Variants in MYBPC2 observed in about 807,000 individuals in gnomAD.
The protein encoded by MYBPC2 is myosin binding protein C2, also known as myosin-binding protein C, fast-type.
In MYBPC2, 122 loss-of-function variants were observed where a neutral mutation model predicts 137.0. The ratio of observed to expected loss-of-function variants is 0.89; its 90% CI spans 0.77 to 1.03. MYBPC2 has a LOEUF of 1.03. Among genes scored for constraint, MYBPC2 ranks in the 50% least tolerant of loss-of-function variants. MYBPC2 has a pLI of 0.00. For missense variants in MYBPC2, 1,500 were observed against 1,534.4 expected (o/e 0.98, Z 0.37); for synonymous variants, 626 against 612.3 (o/e 1.02, Z -0.33).
chr19:50,452,508 G>GTATCTATCTATC (rs59342187), intron 16 of MYBPC2, among the ~76,000 whole-genome samples: 3,279 of 114,654 alleles, frequency 0.029, 39 homozygotes, highest in Admixed American at 0.03. Context: ...ATGTATGTAT[G>GTATCTATCTATC]TATCTATCTA....
rs368338268 is a variant in MYBPC2 at position 50,456,491 on chromosome 19, G to A, written c.2338+847G>A. The stretch of plus-strand genomic sequence containing the variant: ...TCTGTTGCCCAGGCTAGAGTGCAGT[G>A]GCACGATTGGCTCACTGCAAGCTCC... On this transcript the variant is annotated intron_variant, in intron 20 of 27. Transcript: ENST00000357701. 3.2e-3 allele frequency among the ~76,000 whole-genome samples: 467 copies of A among 145,922 alleles called. 3 individuals carry two copies. In the Middle Eastern group the frequency reaches 0.046, roughly 15 times the overall value.
Position 50,458,648 on chromosome 19 carries a change from T to A in MYBPC2, c.2400T>A (p.Asn800Lys). 1 of 1,612,660 alleles carries A rather than the reference T, an allele frequency of 6.2e-7. No homozygotes were observed. The highest frequency in any genetic ancestry group is 8.5e-7 in the Non-Finnish European group (1 of 1,179,868). The change falls in exon 21 of 28, where the codon AAT becomes AAA. Residue 800 changes from asparagine to lysine, a missense_variant. Coordinates refer to ENST00000357701, the MANE Select transcript of MYBPC2 (RefSeq NM_004533.4). ...PVERCGFTVK[N>K]LPTGARILFR... ...AGCGCTGTGGCTTCACCGTCAAGAA[T>A]CTCCCGACCGGAGCCAGAATCCTCT...
In MYBPC2 at chr19:50,435,641, C is replaced by G. The variant is rs949515925; in HGVS notation, c.110-135C>G. The G allele has an allele frequency of 2.6e-6, 2 of 758,420 alleles. No individual in the cohort carries two copies. Among genetic ancestry groups the G allele is most frequent in the Non-Finnish European group, 4.2e-6 (2 of 474,406 alleles). 47.0% of individuals were successfully genotyped at this position (758,420 alleles called of 1,614,324 possible). A position where few individuals can be genotyped will look rare whatever the true frequency, so the allele number is the denominator to read the frequency against. On this transcript the variant is annotated intron_variant, in intron 2 of 27. Coordinates refer to ENST00000357701, the MANE Select transcript of MYBPC2 (RefSeq NM_004533.4). This position sits in a 1 kb window ranked among gnomAD's most constrained non-coding sequence, Gnocchi z 4.8. ...GTGGCCTTTCCCAGGTCAGGAAAAGCCATTTAACCCCCATGATGTTTGGTT... is the reference window on the plus strand; with the variant it reads ...GTGGCCTTTCCCAGGTCAGGAAAAGGCATTTAACCCCCATGATGTTTGGTT...
chr19:50,436,222 C>T (rs1601280198), intron 4 of MYBPC2, 62 bp downstream of exon 4: 1 of 1,523,642 alleles, frequency 6.6e-7, no homozygotes, highest in East Asian at 2.4e-5. Flanking sequence ...GGACATGCTC[C>T]TCAGAAGCCC....
intron 20 of MYBPC2, among the ~76,000 whole-genome samples, chr19:50,457,301 AGTTCACTCT>A (rs1440129992): frequency 3.3e-5 from 5 of 152,044 alleles, no homozygotes; most frequent in African/African-American, 1.2e-4. Context: ...AGCTTGTTAG[AGTTCACTCT>A]GTTGATTGCT....
At chr19:50,438,066 A>G (rs2445829) in intron 7 of MYBPC2, among the ~76,000 whole-genome samples, 50,510 of 151,644 alleles carry the variant, frequency 0.33, 8,570 homozygotes, top group Middle Eastern at 0.39. Flanking sequence ...CCTCCCATCC[A>G]TCCATCCCTC....
Position 50,462,012 on chromosome 19 carries a change from C to A in MYBPC2, c.3204C>A (p.Asn1068Lys). The change falls in exon 26 of 28, where the codon AAC becomes AAA. Residue 1068 changes from asparagine to lysine, a missense_variant. Physicochemically the swap from Asn to Lys is moderately conservative, Grantham distance 94 (BLOSUM62 0). Transcript: ENST00000357701. ...TGGCTGGGTACTCGGCAGCCCTCAA[C>A]TGTGCTGTCAGAGGCCACCCGAAGG... ...VVVAGYSAAL[N>K]CAVRGHPKPK... 1.3e-6 allele frequency: 2 copies of A among 1,573,882 alleles called. No homozygotes were observed. Among genetic ancestry groups the A allele is most frequent in the East Asian group, 2.3e-5 (1 of 42,640 alleles).
intron 7 of MYBPC2, among the ~76,000 whole-genome samples, chr19:50,440,560 G>A (rs1369622576): frequency 1.3e-5 from 2 of 151,662 alleles, no homozygotes; most frequent in African/African-American, 2.4e-5. Context: ...CTACTCGGGA[G>A]GCTGAGGCAG....
At chr19:50,436,756 G>A (rs2039708147) in intron 5 of MYBPC2, 22 bp downstream of exon 5, 9 of 1,606,664 alleles carry the variant, frequency 5.6e-6, no homozygotes, top group Non-Finnish European at 7.7e-6. Flanking sequence ...GGGGATGCGG[G>A]AGCAAAGGGT....
Position 50,443,903 on chromosome 19 carries a change from T to G in MYBPC2, c.1133+87T>G, listed in dbSNP as rs1300835862. 9.6e-6 allele frequency: 12 copies of G among 1,246,368 alleles called. No individual in the cohort carries two copies. In the African/African-American group the frequency reaches 1.6e-4, roughly 17 times the overall value. 77.2% of individuals were successfully genotyped at this position (1,246,368 alleles called of 1,614,324 possible). ...GATCTTTATGGGACCTCCTGTGACT[T>G]CTCTTGGAGATTTCTGACCTTTACT... is the stretch of plus-strand genomic sequence containing the variant. On this transcript the variant is annotated intron_variant, in intron 11 of 27. Transcript: ENST00000357701.
chr19:50,452,496 G>GTATCTATCTATCTATCTATC (rs1448448589), intron 16 of MYBPC2, among the ~76,000 whole-genome samples: 1 of 51,912 alleles, frequency 1.9e-5, no homozygotes, highest in Non-Finnish European at 4.9e-5. Flanking sequence ...ATGTATGTAT[G>GTATCTATCTATCTATCTATC]TATGTATGTA....
rs778989122 is a variant in MYBPC2 at position 50,435,129 on chromosome 19, A to G, written c.20-32A>G. On this transcript the variant is annotated intron_variant, in intron 1 of 27. Transcript: ENST00000357701. The surrounding 1 kb of genome is among the most constrained non-coding windows in gnomAD (Gnocchi z 4.8). Reference sequence around the variant, plus strand: ...GGAGGGGCATGGGTGTGCAGACCGCATGCTCAACTATGACTGTCCCCTACC... The same window carrying G: ...GGAGGGGCATGGGTGTGCAGACCGCGTGCTCAACTATGACTGTCCCCTACC... 1.3e-5 allele frequency: 11 copies of G among 870,182 alleles called. No homozygotes were observed. Among genetic ancestry groups the G allele is most frequent in the Middle Eastern group, 2.1e-4 (1 of 4,662 alleles). The allele number at this position is 870,182 out of a possible 1,614,324, so 53.9% of individuals were successfully genotyped here.
rs927761482 is a variant in MYBPC2, at chr19:50,465,042, A to G, written c.3415+510A>G. Among the ~76,000 whole-genome samples, 6 of 149,066 alleles carry G rather than the reference A, an allele frequency of 4.0e-5. No individual in the cohort carries two copies. Among genetic ancestry groups the G allele is most frequent in the Non-Finnish European group, 4.5e-5 (3 of 67,318 alleles). On this transcript the variant is annotated intron_variant, in intron 27 of 27. Transcript: ENST00000357701. This position sits in a 1 kb window ranked among gnomAD's most constrained non-coding sequence, Gnocchi z 4.5. ...CTACATCCTCTTCCTCCCATATTCC[A>G]TTTCCAGCCGCCTCCGTCTCCAGTC... is the stretch of plus-strand genomic sequence containing the variant.
intron 13 of MYBPC2, 96 bp from the exon 14 acceptor site, chr19:50,450,733 T>C: frequency 2.5e-6 from 2 of 807,692 alleles, no homozygotes; most frequent in Non-Finnish European, 4.1e-6. Context: ...TGCAGGCATG[T>C]GGACTGCACT....
chr19:50,447,382 G>C (rs2039815590), intron 12 of MYBPC2, among the ~76,000 whole-genome samples: 2 of 152,046 alleles, frequency 1.3e-5, no homozygotes, highest in Non-Finnish European at 1.5e-5. Flanking sequence ...ACGAACTCAA[G>C]TCAGTTATGG....
intron 20 of MYBPC2, among the ~76,000 whole-genome samples, chr19:50,457,870 G>A (rs1008177758): frequency 3.3e-5 from 5 of 150,996 alleles, no homozygotes; most frequent in Admixed American, 2.0e-4. Context: ...AATAGAGACA[G>A]GGTTTCGCCA....
chr19:50,444,579 G>C (rs949320430), intron 11 of MYBPC2, among the ~76,000 whole-genome samples: 1 of 152,084 alleles, frequency 6.6e-6, no homozygotes, highest in African/African-American at 2.4e-5. Flanking sequence ...ATATAATGGG[G>C]AGAAAAAAAA....
At position 50,432,918 on chromosome 19, in the gene MYBPC2, G is replaced by C; in HGVS notation, c.-36G>C. On this transcript the variant is annotated 5_prime_UTR_variant, in exon 1 of 28. Coordinates refer to ENST00000357701, the MANE Select transcript of MYBPC2 (RefSeq NM_004533.4). This position sits in a 1 kb window ranked among gnomAD's most constrained non-coding sequence, Gnocchi z 5.5. ...TCCTCCCTAGGGCCTAGCGGGACGC[G>C]GCTGCGGTCAGAGGAGCAGGAGGAG... 6.2e-7 allele frequency: 1 copy of C among 1,602,914 alleles called. No individual in the cohort carries two copies.
At position 50,464,510 on chromosome 19, in the gene MYBPC2, T is replaced by C. The variant is rs776019340; in HGVS notation, c.3393T>C (p.Ala1131=). The part of the protein sequence containing the change: ...RAVNELGEAL[A]ECKLEVRVPQ ...TCAACGAGCTGGGCGAGGCGCTGGC[T>C]GAGTGCAAGCTGGAGGTCCGAGGTG... Residue 1131 remains alanine, a synonymous_variant, in exon 27 of 28, where the codon GCT becomes GCC. Transcript: ENST00000357701. 3.1e-6 allele frequency: 5 copies of C among 1,611,284 alleles called. No individual in the cohort carries two copies. The highest frequency in any genetic ancestry group is 3.4e-6 in the Non-Finnish European group (4 of 1,179,118).
Sources: allele counts gnomAD v4.1 joint callset (sites outside exome capture counted in the v4.1 genomes callset), GRCh38; gene constraint gnomAD v4.1.1; non-coding constraint Gnocchi (gnomAD v3.1); transcripts MANE v1.5; gene names NCBI Gene and HGNC (gene_info 2026-07-23, HGNC 2026-07-21).